The following MACROD2 variants were observed in gnomAD, a reference collection of about 807,000 sequenced individuals.
MACROD2 encodes the protein mono-ADP ribosylhydrolase 2.
In MACROD2, 36 loss-of-function variants were observed where a neutral mutation model predicts 70.4. The ratio of observed to expected loss-of-function variants is 0.51; its 90% CI spans 0.39 to 0.68. The LOEUF (loss-of-function observed/expected upper bound fraction) is 0.68, where lower values mean the gene tolerates loss of function less well. Ranked by LOEUF, MACROD2 falls within the 30% of genes least tolerant of loss-of-function variation. The probability of loss-of-function intolerance (pLI) is 0.00; values close to 1 mark genes in which losing one functional copy is unlikely to be tolerated. For missense variants in MACROD2, 496 were observed against 538.4 expected (o/e 0.92, Z 0.78); for synonymous variants, 172 against 178.8 (o/e 0.96, Z 0.30).
intron 5 of MACROD2, among the ~76,000 whole-genome samples, chr20:14,825,479 A>G (rs2072891338): frequency 6.6e-6 from 1 of 152,120 alleles, no homozygotes; most frequent in Non-Finnish European, 1.5e-5. Context: ...TATTAGGCGT[A>G]TCCACATATC....
intron 5 of MACROD2, among the ~76,000 whole-genome samples, chr20:14,892,550 T>C (rs548460347): frequency 1.3e-5 from 2 of 152,290 alleles, no homozygotes; most frequent in African/African-American, 4.8e-5. Flanking sequence ...AAACATACAA[T>C]GTAACATTTA....
At chr20:15,968,797 GTATATATATA>G (rs35259261) in intron 13 of MACROD2, among the ~76,000 whole-genome samples, 10,320 of 106,670 alleles carry the variant, frequency 0.097, 607 homozygotes, top group Non-Finnish European at 0.13. Flanking sequence ...TATATTATGC[GTATATATATA>G]TATATATATA....
chr20:15,609,669 G>A (rs1327505323), intron 8 of MACROD2, among the ~76,000 whole-genome samples: 7 of 152,204 alleles, frequency 4.6e-5, no homozygotes, highest in Admixed American at 1.3e-4. Flanking sequence ...GCAAAGGAAC[G>A]ACGGGAGGTA....
chr20:15,533,544 GCTCTCTCT>G (rs3071260), intron 8 of MACROD2, among the ~76,000 whole-genome samples: 16,558 of 141,122 alleles, frequency 0.12, 970 homozygotes, highest in Admixed American at 0.18. Flanking sequence ...TGTCTCTGTC[GCTCTCTCT>G]CTCTCTCTCT....
intron 6 of MACROD2, among the ~76,000 whole-genome samples, chr20:15,242,742 G>A: frequency 6.6e-6 from 1 of 152,086 alleles, no homozygotes; most frequent in Middle Eastern, 3.2e-3. Flanking sequence ...GAAATTCATA[G>A]CACATGCATT....
At chr20:14,178,286 A>C (rs1251855510) in intron 3 of MACROD2, among the ~76,000 whole-genome samples, 2 of 152,220 alleles carry the variant, frequency 1.3e-5, no homozygotes, top group Admixed American at 1.3e-4. Context: ...CTACATAGAT[A>C]TGTATTGAAA....
chr20:15,138,993 A>C (rs745686138), intron 5 of MACROD2, among the ~76,000 whole-genome samples: 2 of 152,164 alleles, frequency 1.3e-5, no homozygotes, highest in Non-Finnish European at 2.9e-5. Context: ...GGCACGTATC[A>C]GAATTGTACC....
At chr20:14,525,018 C>T (rs17227062) in intron 4 of MACROD2, among the ~76,000 whole-genome samples, 23,160 of 152,028 alleles carry the variant, frequency 0.15, 2,520 homozygotes, top group Non-Finnish European at 0.22. Context: ...ATGTTGAAAA[C>T]GCAGGGTGAT....
At chr20:14,198,460 CTG>C in intron 3 of MACROD2, among the ~76,000 whole-genome samples, 1 of 152,284 alleles carries the variant, frequency 6.6e-6, no homozygotes, top group African/African-American at 2.4e-5. Context: ...GTATCAATCA[CTG>C]TGTTTCTTAT....
At chr20:15,741,126 T>C (rs2051099044) in intron 8 of MACROD2, among the ~76,000 whole-genome samples, 1 of 143,256 alleles carries the variant, frequency 7.0e-6, no homozygotes, top group African/African-American at 2.6e-5. Context: ...GGAGTCTCGC[T>C]CTGTCACCAG....
At chr20:14,269,695 TG>T (rs2082174418) in intron 3 of MACROD2, among the ~76,000 whole-genome samples, 1 of 152,186 alleles carries the variant, frequency 6.6e-6, no homozygotes, top group African/African-American at 2.4e-5. Context: ...GAATAATGCA[TG>T]GTTTACTGGA....
intron 9 of MACROD2, among the ~76,000 whole-genome samples, chr20:15,866,752 C>T (rs1011311266): frequency 5.3e-5 from 8 of 152,118 alleles, no homozygotes; most frequent in Non-Finnish European, 1.0e-4. Flanking sequence ...CCTATAAATA[C>T]CTTCATGGAA....
chr20:15,182,250 G>A (rs1054649986), intron 5 of MACROD2, among the ~76,000 whole-genome samples: 2 of 152,194 alleles, frequency 1.3e-5, no homozygotes, highest in African/African-American at 4.8e-5. Flanking sequence ...GATAAGAATA[G>A]TGGAGAGAGG....
intron 8 of MACROD2, among the ~76,000 whole-genome samples, chr20:15,668,361 G>A (rs6034251): frequency 0.69 from 104,252 of 151,656 alleles, 36,355 homozygotes; most frequent in East Asian, 0.86. Context: ...TGAGGTCGGG[G>A]GTTCAAGACC....
intron 10 of MACROD2, among the ~76,000 whole-genome samples, chr20:15,900,265 C>G (rs1162591389): frequency 1.3e-5 from 2 of 152,272 alleles, no homozygotes; most frequent in South Asian, 4.1e-4. Context: ...GGAAAAGCAG[C>G]TTTCCCCTGA....
chr20:14,271,774 A>G (rs958550002), intron 3 of MACROD2, among the ~76,000 whole-genome samples: 4 of 152,174 alleles, frequency 2.6e-5, no homozygotes, highest in Admixed American at 2.6e-4. Context: ...TATAACTAGA[A>G]TAACCAATAC....
intron 4 of MACROD2, chr20:14,494,024 G>A (rs1484315356): frequency 1.3e-5 from 2 of 152,050 alleles, no homozygotes; most frequent in Admixed American, 6.6e-5. Flanking sequence ...TCAGTTAGAG[G>A]AGAAAGAGAA....
At chr20:15,806,840 A>G (rs1039240897) in intron 8 of MACROD2, among the ~76,000 whole-genome samples, 1 of 152,158 alleles carries the variant, frequency 6.6e-6, no homozygotes, top group African/African-American at 2.4e-5. Flanking sequence ...GGCCATGTGG[A>G]TAAGGGGTTC....
At chr20:14,483,243 GTTT>G (rs966881342) in intron 3 of MACROD2, among the ~76,000 whole-genome samples, 4 of 152,096 alleles carry the variant, frequency 2.6e-5, no homozygotes, top group Admixed American at 1.3e-4. Flanking sequence ...TTAATGGTTG[GTTT>G]TAGATGAATG....
Sources: gnomAD v4.1 joint callset for allele counts (sites outside exome capture counted in the v4.1 genomes callset) on GRCh38, gnomAD v4.1.1 for gene constraint, MANE v1.5 for transcripts, NCBI Gene and HGNC (gene_info 2026-07-23, HGNC 2026-07-21) for gene names.